The following B3GAT2 variants were observed in gnomAD, a reference collection of about 807,000 sequenced individuals.
B3GAT2 encodes the protein galactosylgalactosylxylosylprotein 3-beta-glucuronosyltransferase 2.
A neutral mutation model predicts 27.8 loss-of-function variants in B3GAT2; 26 were observed. The ratio of observed to expected loss-of-function variants is 0.93; its 90% confidence interval spans 0.68 to 1.30. The LOEUF is 1.30. B3GAT2 is among the 50% of genes most tolerant of loss of function. The probability of loss-of-function intolerance (pLI) is 0.00; values close to 1 mark genes in which losing one functional copy is unlikely to be tolerated. For missense variants in B3GAT2, 458 were observed against 459.0 expected (o/e 1.00, Z 0.02); for synonymous variants, 218 against 195.1 (o/e 1.12, Z -0.98).
At chr6:70,903,615 C>T (rs776500370) in intron 1 of B3GAT2, among the ~76,000 whole-genome samples, 4 of 152,034 alleles carry the variant, frequency 2.6e-5, no homozygotes, top group African/African-American at 7.2e-5. Flanking sequence ...TGTGTCATCA[C>T]CCATTACAGA....
intron 1 of B3GAT2, among the ~76,000 whole-genome samples, chr6:70,938,945 C>A (rs1765341180): frequency 6.6e-6 from 1 of 151,582 alleles, no homozygotes; most frequent in African/African-American, 2.4e-5. Flanking sequence ...AAGAAACTAC[C>A]ATCAGAGTGA....
intron 1 of B3GAT2, among the ~76,000 whole-genome samples, chr6:70,928,406 T>C (rs1299560928): frequency 6.6e-6 from 1 of 151,878 alleles, no homozygotes; most frequent in African/African-American, 2.4e-5. Flanking sequence ...GGAATTGGTT[T>C]TTTGAAAAGA....
At chr6:70,926,916 C>T (rs1394031687) in intron 1 of B3GAT2, among the ~76,000 whole-genome samples, 1 of 152,122 alleles carries the variant, frequency 6.6e-6, no homozygotes, top group East Asian at 1.9e-4. Flanking sequence ...ATGGTAAGGG[C>T]AGCCAGAGAG....
At chr6:70,920,090 C>T (rs1772842331) in intron 1 of B3GAT2, among the ~76,000 whole-genome samples, 1 of 149,866 alleles carries the variant, frequency 6.7e-6, no homozygotes, top group South Asian at 2.1e-4. Context: ...TTTGTTTACG[C>T]TGTGAGCATA....
intron 1 of B3GAT2, among the ~76,000 whole-genome samples, chr6:70,934,353 C>A (rs1194228895): frequency 6.6e-6 from 1 of 150,978 alleles, no homozygotes; most frequent in African/African-American, 2.4e-5. Flanking sequence ...CTCGCTCTGC[C>A]CCCCACCCCC....
intron 1 of B3GAT2, among the ~76,000 whole-genome samples, chr6:70,913,154 C>G (rs926209369): frequency 2.0e-5 from 3 of 151,994 alleles, no homozygotes; most frequent in Admixed American, 2.0e-4. Context: ...ATTTTCCTGT[C>G]TCAATTTCAT....
chr6:70,906,500 T>A (rs529754040), intron 1 of B3GAT2, among the ~76,000 whole-genome samples: 1 of 151,648 alleles, frequency 6.6e-6, no homozygotes, highest in East Asian at 2.0e-4. Context: ...ACCACCACTC[T>A]CAGCTAATTT....
At chr6:70,900,948 T>C (rs1024191306) in intron 1 of B3GAT2, among the ~76,000 whole-genome samples, 4 of 152,106 alleles carry the variant, frequency 2.6e-5, no homozygotes, top group Non-Finnish European at 5.9e-5. Context: ...ACAATTTCAG[T>C]AGCAAAAAGT....
At chr6:70,884,526 G>A (rs779434821) in intron 2 of B3GAT2, among the ~76,000 whole-genome samples, 2 of 152,190 alleles carry the variant, frequency 1.3e-5, no homozygotes, top group Admixed American at 6.5e-5. Context: ...AAGGCGGCCA[G>A]GGGCAGGGAG....
chr6:70,887,403 T>C (rs914495169), intron 2 of B3GAT2, among the ~76,000 whole-genome samples: 2 of 152,170 alleles, frequency 1.3e-5, no homozygotes, highest in African/African-American at 2.4e-5. Context: ...CCCAGAGTGA[T>C]CCCTCGACCC....
chr6:70,921,780 T>A lies in B3GAT2; in HGVS notation c.592-27508A>T, dbSNP rs183542964. On this transcript the variant is annotated intron_variant, in intron 1 of 3. Transcript: ENST00000230053. Reference sequence around the variant, plus strand: ...TGGATAGGGCTTTTTACTTTTATATTCTTTGATATTCTTGAGGGTTTGATT... The same window carrying A: ...TGGATAGGGCTTTTTACTTTTATATACTTTGATATTCTTGAGGGTTTGATT... Among the ~76,000 whole-genome samples the A allele has an allele frequency of 6.9e-4, 105 of 152,298 alleles. 1 individual carries two copies. Among genetic ancestry groups the A allele is most frequent in the South Asian group, 1.2e-3 (6 of 4,818 alleles).
In B3GAT2 at chr6:70,857,075, C is replaced by T; in HGVS notation, c.*4588G>A. 1.3e-6 allele frequency: 2 copies of T among 1,512,228 alleles called. No homozygotes were observed. Among genetic ancestry groups the T allele is most frequent in the Non-Finnish European group, 8.9e-7 (1 of 1,120,128 alleles). The allele number at this position is 1,512,228 out of a possible 1,614,324, so 93.7% of individuals were successfully genotyped here. A position where few individuals can be genotyped will look rare whatever the true frequency, so the allele number is the denominator to read the frequency against. The stretch of plus-strand genomic sequence containing the variant: ...GCTTTCAGTGACATTACTAGAAGTA[C>T]ATCCTTTGTAATTATATAATAAGAT... On this transcript the variant is annotated 3_prime_UTR_variant, in exon 4 of 4. Coordinates refer to ENST00000230053, the MANE Select transcript of B3GAT2 (RefSeq NM_080742.3).
Position 70,955,933 on chromosome 6 carries a change from C to CA in B3GAT2, c.496dup (p.Trp166LeufsTer20). ...CTGGTGCTGGTGCCTCTGGCGCAGCCAGGCGAGGCCCGCGTTGCGCTGCTC... is the reference window on the plus strand; with the variant it reads ...CTGGTGCTGGTGCCTCTGGCGCAGCCAAGGCGAGGCCCGCGTTGCGCTGCTC... On this transcript the variant is annotated frameshift_variant, in exon 1 of 4. Coordinates refer to ENST00000230053, the MANE Select transcript of B3GAT2 (RefSeq NM_080742.3). LOFTEE classifies it high-confidence loss of function. 6.3e-7 allele frequency: 1 copy of CA among 1,588,228 alleles called. No homozygotes were observed. The highest frequency in any genetic ancestry group is 1.7e-5 in the Admixed American group (1 of 57,404).
chr6:70,942,583 T>A (rs1765411982), intron 1 of B3GAT2, among the ~76,000 whole-genome samples: 1 of 152,110 alleles, frequency 6.6e-6, no homozygotes, highest in East Asian at 1.9e-4. Flanking sequence ...CCAGACACAT[T>A]CATTTCTCTC....
At position 70,934,596 on chromosome 6, in the gene B3GAT2, G is replaced by A. The variant is rs191619965; in HGVS notation, c.591+21243C>T. 1.8e-4 allele frequency among the ~76,000 whole-genome samples: 27 copies of A among 152,272 alleles called. 1 individual carries two copies. Among genetic ancestry groups the A allele is most frequent in the African/African-American group, 6.0e-4 (25 of 41,550 alleles). On this transcript the variant is annotated intron_variant, in intron 1 of 3. Coordinates refer to ENST00000230053, the MANE Select transcript of B3GAT2 (RefSeq NM_080742.3). ...TAACTATTTGCATTCAACAAAACTG[G>A]AGGTGACCTAATATCATTAATAAAT...
At chr6:70,950,108 G>C (rs927968856) in intron 1 of B3GAT2, among the ~76,000 whole-genome samples, 2 of 151,866 alleles carry the variant, frequency 1.3e-5, no homozygotes, top group Non-Finnish European at 2.9e-5. Context: ...AATGCTAAAA[G>C]ACGAGTTAAT....
chr6:70,944,764 C>T (rs1765450996), intron 1 of B3GAT2, among the ~76,000 whole-genome samples: 1 of 152,182 alleles, frequency 6.6e-6, no homozygotes, highest in African/African-American at 2.4e-5. Flanking sequence ...AGGCAGACTG[C>T]CTCCTCAAGT....
At chr6:70,947,055 C>G (rs1160972665) in intron 1 of B3GAT2, among the ~76,000 whole-genome samples, 1 of 151,632 alleles carries the variant, frequency 6.6e-6, no homozygotes, top group East Asian at 1.9e-4. Flanking sequence ...CACAACATAC[C>G]AGAATCTCTG....
chr6:70,886,167 T>C (rs1282033819), intron 2 of B3GAT2, among the ~76,000 whole-genome samples: 1 of 152,206 alleles, frequency 6.6e-6, no homozygotes, highest in African/African-American at 2.4e-5. Flanking sequence ...GACCAAGAAC[T>C]CAGTGACTTG....
Sources: allele counts gnomAD v4.1 joint callset (sites outside exome capture counted in the v4.1 genomes callset), GRCh38; gene constraint gnomAD v4.1.1; transcripts MANE v1.5; gene names NCBI Gene and HGNC (gene_info 2026-07-23, HGNC 2026-07-21).